The following NEGR1 variants were observed in gnomAD, a reference collection of about 807,000 sequenced individuals.
NEGR1 encodes neuronal growth regulator 1, also known as IgLON family member 4.
A neutral mutation model predicts 40.9 loss-of-function variants in NEGR1; 10 were observed. That is an observed-to-expected ratio of 0.24 (90% CI 0.15 to 0.42). NEGR1 has a LOEUF of 0.42. Ranked by LOEUF, NEGR1 falls within the 10% of genes least tolerant of loss-of-function variation. The pLI is 1.00. For missense variants in NEGR1, 352 were observed against 438.9 expected, an observed-to-expected ratio of 0.80 and a Z score of 1.77; for synonymous variants, 185 against 166.8, an observed-to-expected ratio of 1.11 and a Z score of -0.84.
intron 1 of NEGR1, among the ~76,000 whole-genome samples, chr1:72,023,793 AAT>A (rs1221485829): frequency 6.6e-6 from 1 of 152,072 alleles, no homozygotes; most frequent in East Asian, 1.9e-4. Context: ...GAACTAACAA[AAT>A]AACATGGTAG....
intron 1 of NEGR1, among the ~76,000 whole-genome samples, chr1:72,193,558 G>C (rs1652896959): frequency 6.6e-6 from 1 of 151,220 alleles, no homozygotes; most frequent in Non-Finnish European, 1.5e-5. Context: ...GGGATGACTT[G>C]GAACAAAGAA....
intron 6 of NEGR1, among the ~76,000 whole-genome samples, chr1:71,589,776 A>AT (rs11410861): frequency 0.89 from 135,987 of 151,984 alleles, 62,201 homozygotes; most frequent in Non-Finnish European, 1. Flanking sequence ...AAAGTTTAAT[A>AT]CTGGGTTTAG....
At chr1:71,801,886 C>A (rs562981430) in intron 2 of NEGR1, among the ~76,000 whole-genome samples, 1 of 152,216 alleles carries the variant, frequency 6.6e-6, no homozygotes, top group East Asian at 1.9e-4. Context: ...GACAGTAGTG[C>A]AAGCTATTAT....
At chr1:72,149,375 C>A (rs1651031478) in intron 1 of NEGR1, among the ~76,000 whole-genome samples, 2 of 151,964 alleles carry the variant, frequency 1.3e-5, no homozygotes, top group Admixed American at 1.3e-4. Flanking sequence ...GGGACACAGC[C>A]AAATCATATC....
At chr1:72,118,391 A>G (rs1207508437) in intron 1 of NEGR1, among the ~76,000 whole-genome samples, 2 of 151,760 alleles carry the variant, frequency 1.3e-5, no homozygotes, top group Non-Finnish European at 2.9e-5. Context: ...TATTTCTTAC[A>G]GCAAAGACTC....
intron 6 of NEGR1, among the ~76,000 whole-genome samples, chr1:71,420,673 C>G (rs528331134): frequency 1.3e-5 from 2 of 151,972 alleles, no homozygotes; most frequent in East Asian, 3.9e-4. Flanking sequence ...AGAAGACACT[C>G]AAGTCTGGAG....
At chr1:71,625,099 G>T (rs1337042904) in intron 4 of NEGR1, among the ~76,000 whole-genome samples, 2 of 151,984 alleles carry the variant, frequency 1.3e-5, no homozygotes, top group Admixed American at 1.3e-4. Context: ...GGCCAAAAAA[G>T]ATGTCATAAT....
intron 3 of NEGR1, among the ~76,000 whole-genome samples, chr1:71,762,334 A>G (rs1490374209): frequency 6.6e-6 from 1 of 151,994 alleles, no homozygotes; most frequent in East Asian, 1.9e-4. Context: ...TAATTAAATT[A>G]CATGTAAATG....
intron 2 of NEGR1, among the ~76,000 whole-genome samples, chr1:71,849,866 T>C (rs938049184): frequency 2.0e-5 from 3 of 152,282 alleles, no homozygotes; most frequent in Admixed American, 2.0e-4. Flanking sequence ...TTTTTTTAGA[T>C]ACAATGGTAC....
At chr1:71,789,330 A>G (rs560332660) in intron 2 of NEGR1, among the ~76,000 whole-genome samples, 199 of 152,284 alleles carry the variant, frequency 1.3e-3, no homozygotes, top group Non-Finnish European at 1.8e-3. Context: ...GTAATTTACA[A>G]GATCATAATT....
chr1:72,042,267 G>A (rs187819673), intron 1 of NEGR1, among the ~76,000 whole-genome samples: 4 of 151,688 alleles, frequency 2.6e-5, no homozygotes, highest in African/African-American at 9.7e-5. Context: ...TGTTTCACTT[G>A]GACCACTGAT....
At chr1:71,687,569 T>C (rs1166245559) in intron 4 of NEGR1, among the ~76,000 whole-genome samples, 1 of 152,214 alleles carries the variant, frequency 6.6e-6, no homozygotes, top group Non-Finnish European at 1.5e-5. Flanking sequence ...GAGTGCAGCA[T>C]CGTTCTAAAG....
chr1:72,013,938 G>A (rs1041801659), intron 1 of NEGR1, among the ~76,000 whole-genome samples: 3 of 113,744 alleles, frequency 2.6e-5, no homozygotes, highest in Non-Finnish European at 5.1e-5. Context: ...AAGAATACAA[G>A]TCCCAAGAGA....
chr1:71,836,461 A>T (rs960820248), intron 2 of NEGR1, among the ~76,000 whole-genome samples: 1 of 129,718 alleles, frequency 7.7e-6, no homozygotes, highest in Admixed American at 9.1e-5. Flanking sequence ...AAAAACAAAA[A>T]ACAACAAAAT....
At chr1:72,232,139 A>G (rs1290496797) in intron 1 of NEGR1, among the ~76,000 whole-genome samples, 1 of 152,076 alleles carries the variant, frequency 6.6e-6, no homozygotes, top group Non-Finnish European at 1.5e-5. Context: ...GCGGATCACA[A>G]GGTCAGGAAT....
intron 6 of NEGR1, among the ~76,000 whole-genome samples, chr1:71,520,722 G>T (rs1647150515): frequency 6.6e-6 from 1 of 151,988 alleles, no homozygotes; most frequent in Non-Finnish European, 1.5e-5. Flanking sequence ...AGCCTGTCTT[G>T]TGTAAAAGCA....
At chr1:72,072,060 T>C (rs1647485818) in intron 1 of NEGR1, among the ~76,000 whole-genome samples, 1 of 152,178 alleles carries the variant, frequency 6.6e-6, no homozygotes, top group South Asian at 2.1e-4. Flanking sequence ...CTCTCTTACT[T>C]AGTATTGAAA....
chr1:71,659,880 G>C (rs1187559322), intron 4 of NEGR1, among the ~76,000 whole-genome samples: 1 of 152,096 alleles, frequency 6.6e-6, no homozygotes, highest in Non-Finnish European at 1.5e-5. Flanking sequence ...CTTTGTGGGA[G>C]TGTAAATTAG....
At chr1:72,045,706 T>C (rs1356255630) in intron 1 of NEGR1, among the ~76,000 whole-genome samples, 2 of 151,822 alleles carry the variant, frequency 1.3e-5, no homozygotes, top group Middle Eastern at 3.2e-3. Flanking sequence ...GGTATGTCTT[T>C]TCAGCAGTGT....
Sources: gnomAD v4.1 joint callset for allele counts (sites outside exome capture counted in the v4.1 genomes callset) on GRCh38, gnomAD v4.1.1 for gene constraint, MANE v1.5 for transcripts, NCBI Gene and HGNC (gene_info 2026-07-23, HGNC 2026-07-21) for gene names.